GRIN2A: variants seen among roughly 807,000 people sequenced by gnomAD.
GRIN2A encodes glutamate receptor ionotropic, NMDA 2A.
A neutral mutation model predicts 113.4 loss-of-function variants in GRIN2A; 22 were observed. The observed-to-expected ratio is 0.19, with a 90% CI of 0.14 to 0.28. The LOEUF (loss-of-function observed/expected upper bound fraction) is 0.28, where lower values mean the gene tolerates loss of function less well. Among genes scored for constraint, GRIN2A ranks in the 10% least tolerant of loss-of-function variants. The probability of loss-of-function intolerance (pLI) is 1.00; values close to 1 mark genes in which losing one functional copy is unlikely to be tolerated. For missense variants in GRIN2A, 1,502 were observed against 1,887.0 expected, an observed-to-expected ratio of 0.80 and a Z score of 3.78; for synonymous variants, 827 against 738.4, an observed-to-expected ratio of 1.12 and a Z score of -1.94.
intron 10 of GRIN2A, among the ~76,000 whole-genome samples, chr16:9,813,549 A>C (rs2042129807): frequency 6.7e-6 from 1 of 149,154 alleles, no homozygotes; most frequent in Non-Finnish European, 1.5e-5. Flanking sequence ...TCTGAGTTTA[A>C]AGAATTATGA....
At chr16:9,882,134 C>A (rs1480457801) in intron 4 of GRIN2A, among the ~76,000 whole-genome samples, 1 of 152,136 alleles carries the variant, frequency 6.6e-6, no homozygotes, top group Admixed American at 6.6e-5. Context: ...TTGAAACTCA[C>A]TGGGCCCTGC....
At chr16:9,996,044 A>G (rs2046217819) in intron 2 of GRIN2A, among the ~76,000 whole-genome samples, 1 of 149,602 alleles carries the variant, frequency 6.7e-6, no homozygotes, top group Non-Finnish European at 1.5e-5. Flanking sequence ...AAAAAAAAAA[A>G]AAAAAAAAGA....
chr16:9,927,511 A>G (rs1299981025), intron 3 of GRIN2A, among the ~76,000 whole-genome samples: 6 of 152,218 alleles, frequency 3.9e-5, no homozygotes. Context: ...AAGCTTGATT[A>G]TATTGCACCT....
chr16:9,835,831 T>C (rs1439917751), intron 7 of GRIN2A, among the ~76,000 whole-genome samples: 1 of 152,194 alleles, frequency 6.6e-6, no homozygotes, highest in Admixed American at 6.5e-5. Context: ...AAGAAACTAA[T>C]ATGTCCGAAC....
chr16:9,979,851 GT>G (rs2045857775), intron 2 of GRIN2A, among the ~76,000 whole-genome samples: 1 of 140,832 alleles, frequency 7.1e-6, no homozygotes, highest in Non-Finnish European at 1.5e-5. Context: ...TATTCTGTGT[GT>G]GTGTGTGTGT....
chr16:9,930,695 G>C (rs2044569943), intron 3 of GRIN2A, among the ~76,000 whole-genome samples: 1 of 152,194 alleles, frequency 6.6e-6, no homozygotes, highest in Admixed American at 6.5e-5. Context: ...GTCAAGCTCA[G>C]AGAATTAACT....
intron 2 of GRIN2A, among the ~76,000 whole-genome samples, chr16:9,975,132 A>G (rs1000095544): frequency 1.3e-5 from 2 of 152,218 alleles, no homozygotes; most frequent in African/African-American, 4.8e-5. Context: ...TATTGAGATG[A>G]GAGGTATAGA....
intron 2 of GRIN2A, among the ~76,000 whole-genome samples, chr16:10,137,601 GTA>G: frequency 6.6e-6 from 1 of 152,294 alleles, no homozygotes; most frequent in African/African-American, 2.4e-5. Flanking sequence ...TATGGCCACT[GTA>G]TGCCTTCCTG....
At chr16:9,777,710 T>C (rs115232153) in intron 11 of GRIN2A, among the ~76,000 whole-genome samples, 1 of 152,188 alleles carries the variant, frequency 6.6e-6, no homozygotes, top group Non-Finnish European at 1.5e-5. Context: ...GCCACGTGAT[T>C]AGTCGCACAA....
intron 12 of GRIN2A, among the ~76,000 whole-genome samples, chr16:9,765,870 G>A (rs1190353846): frequency 2.6e-5 from 4 of 152,178 alleles, no homozygotes; most frequent in Non-Finnish European, 2.9e-5. Context: ...AATGACTTAA[G>A]GGCTCCTGGG....
chr16:10,156,599 C>G (rs1325903272), intron 2 of GRIN2A, among the ~76,000 whole-genome samples: 2 of 152,076 alleles, frequency 1.3e-5, no homozygotes, highest in African/African-American at 4.8e-5. Flanking sequence ...TGTGGGGAGG[C>G]CATTCTGTCT....
At chr16:10,146,689 G>A (rs2049446670) in intron 2 of GRIN2A, among the ~76,000 whole-genome samples, 2 of 152,130 alleles carry the variant, frequency 1.3e-5, no homozygotes, top group African/African-American at 4.8e-5. Flanking sequence ...AGAGGTGAAA[G>A]ACAGGTGTTG....
intron 2 of GRIN2A, among the ~76,000 whole-genome samples, chr16:9,959,139 G>A (rs892484017): frequency 6.6e-6 from 1 of 152,160 alleles, no homozygotes; most frequent in Non-Finnish European, 1.5e-5. Flanking sequence ...TTGGTTTTCA[G>A]TGTTACAAGG....
intron 3 of GRIN2A, among the ~76,000 whole-genome samples, chr16:9,908,860 A>G (rs1019430943): frequency 6.6e-6 from 1 of 152,162 alleles, no homozygotes; most frequent in Non-Finnish European, 1.5e-5. Context: ...GCCTGGCACC[A>G]GGCCCTCCCT....
At chr16:9,848,057 AAT>A (rs1265312924) in intron 5 of GRIN2A, among the ~76,000 whole-genome samples, 1 of 146,868 alleles carries the variant, frequency 6.8e-6, no homozygotes, top group East Asian at 1.9e-4. Flanking sequence ...TTAACATATA[AAT>A]ATATATTTTA....
intron 3 of GRIN2A, among the ~76,000 whole-genome samples, chr16:9,911,093 C>A (rs868195844): frequency 1.3e-5 from 2 of 152,102 alleles, no homozygotes; most frequent in African/African-American, 4.8e-5. Flanking sequence ...ATAATGTATT[C>A]CTACTATGTG....
intron 9 of GRIN2A, among the ~76,000 whole-genome samples, chr16:9,823,719 T>C (rs571701476): frequency 3.3e-5 from 5 of 152,264 alleles, no homozygotes; most frequent in Non-Finnish European, 1.5e-5. Flanking sequence ...ATAAGAAAAC[T>C]GAGGCTCAGA....
intron 10 of GRIN2A, among the ~76,000 whole-genome samples, chr16:9,812,519 A>G (rs916602936): frequency 8.5e-5 from 13 of 152,066 alleles, no homozygotes; most frequent in African/African-American, 3.1e-4. Flanking sequence ...CACCCCTGTA[A>G]TCCCACTACT....
At chr16:9,793,332 A>T (rs1394777416) in intron 11 of GRIN2A, among the ~76,000 whole-genome samples, 1 of 152,128 alleles carries the variant, frequency 6.6e-6, no homozygotes, top group Non-Finnish European at 1.5e-5. Context: ...TCTGGCCCCC[A>T]GATATGAGAA....
Sources: gnomAD v4.1 joint callset for allele counts (sites outside exome capture counted in the v4.1 genomes callset) on GRCh38, gnomAD v4.1.1 for gene constraint, MANE v1.5 for transcripts, NCBI Gene and HGNC (gene_info 2026-07-23, HGNC 2026-07-21) for gene names.